The following WNT9A variants were observed in gnomAD, a reference collection of about 807,000 sequenced individuals.
WNT9A encodes the protein protein Wnt-9a.
A neutral mutation model predicts 31.4 loss-of-function variants in WNT9A; 8 were observed. The ratio of observed to expected loss-of-function variants is 0.26; its 90% confidence interval spans 0.15 to 0.46. The LOEUF (loss-of-function observed/expected upper bound fraction) is 0.46, where lower values mean the gene tolerates loss of function less well. WNT9A is among the 20% of genes least tolerant of loss of function. The pLI is 0.99. For missense variants in WNT9A, 457 were observed against 522.9 expected, an observed-to-expected ratio of 0.87 and a Z score of 1.23; for synonymous variants, 236 against 220.1, an observed-to-expected ratio of 1.07 and a Z score of -0.64.
At chr1:227,923,781 G>A (rs1378783659) in intron 3 of WNT9A, among the ~76,000 whole-genome samples, 1 of 152,138 alleles carries the variant, frequency 6.6e-6, no homozygotes, top group East Asian at 1.9e-4. Flanking sequence ...TGGCTGACAG[G>A]TGGGGCCCAC....
At chr1:227,947,759 C>T (rs1340895084) in intron 1 of WNT9A, 34 bp downstream of exon 1, 9 of 1,060,022 alleles carry the variant, frequency 8.5e-6, no homozygotes, top group African/African-American at 3.4e-5. Flanking sequence ...CCGCCCCCGC[C>T]CACCAGTGCG....
Position 227,947,918 on chromosome 1 carries a change from C to G in WNT9A, c.-31G>C, listed in dbSNP as rs1168077763. The G allele has an allele frequency of 1.9e-5, 20 of 1,041,662 alleles. No individual in the cohort carries two copies. The South Asian group carries it at 7.1e-4, about 37-fold the overall frequency. 64.5% of individuals were successfully genotyped at this position (1,041,662 alleles called of 1,614,324 possible). ...CGCGCCTCGGCGGCCGACCATCGCG[C>G]TCCCAGCTCCGCGCAGGGCGCGCCG... is the stretch of plus-strand genomic sequence containing the variant. On this transcript the variant is annotated 5_prime_UTR_variant, in exon 1 of 4. Transcript: ENST00000272164.
At chr1:227,945,782 C>A (rs1666784702) in intron 1 of WNT9A, among the ~76,000 whole-genome samples, 1 of 152,170 alleles carries the variant, frequency 6.6e-6, no homozygotes, top group Admixed American at 6.5e-5. Flanking sequence ...TCCGCACAAC[C>A]CAGCCTGGAG....
At chr1:227,930,439 C>T (rs1432889577) in intron 1 of WNT9A, among the ~76,000 whole-genome samples, 1 of 152,186 alleles carries the variant, frequency 6.6e-6, no homozygotes, top group African/African-American at 2.4e-5. Context: ...ATGGAACTCG[C>T]TCCACACTCA....
At chr1:227,931,514 TTTC>T (rs1666510212) in intron 1 of WNT9A, among the ~76,000 whole-genome samples, 1 of 152,236 alleles carries the variant, frequency 6.6e-6, no homozygotes, top group Non-Finnish European at 1.5e-5. Context: ...CAGTTTCTTT[TTTC>T]TTTTCTTTCT....
chr1:227,921,765 G>C lies in WNT9A; in HGVS notation c.851C>G (p.Pro284Arg). 1 of 1,612,368 alleles carries C rather than the reference G, an allele frequency of 6.2e-7. No homozygotes were observed. Among genetic ancestry groups the C allele is most frequent in the Non-Finnish European group, 8.5e-7 (1 of 1,179,690 alleles). Reference sequence around the variant, plus strand: ...CAGGTGCACCAGCTCTGGAGTGCGGGGCAGCGGGTCGCTGCCACCTGCCCC... The same window carrying C: ...CAGGTGCACCAGCTCTGGAGTGCGGCGCAGCGGGTCGCTGCCACCTGCCCC... ...ASGAGGSDPL[P>R]RTPELVHLDD... The change falls in exon 4 of 4, where the codon CCC (proline) becomes CGC (arginine). Residue 284 changes from proline to arginine, a missense_variant. By Grantham distance (103) the Pro-to-Arg change is moderately radical. Transcript: ENST00000272164.
chr1:227,924,444 G>A, intron 2 of WNT9A, 44 bp from the exon 3 acceptor site: 3 of 1,584,184 alleles, frequency 1.9e-6, no homozygotes, highest in Non-Finnish European at 2.6e-6. Context: ...GCTGCCCAGA[G>A]TTCCCCCTTC....
intron 3 of WNT9A, 29 bp downstream of exon 3, chr1:227,924,109 T>TGCCCC: frequency 3.3e-5 from 36 of 1,105,214 alleles, no homozygotes; most frequent in Non-Finnish European, 4.0e-5. Context: ...GACCCTCCCT[T>TGCCCC]CCCACCCCGC....
At chr1:227,937,359 A>T (rs1003062470) in intron 1 of WNT9A, among the ~76,000 whole-genome samples, 2 of 152,232 alleles carry the variant, frequency 1.3e-5, no homozygotes, top group Non-Finnish European at 2.9e-5. Context: ...TGTACTGAGG[A>T]AACAGTTGGC....
In WNT9A at chr1:227,947,791, AC is replaced by A; in HGVS notation, c.95+1del. On this transcript the variant is annotated splice_donor_variant, in intron 1 of 3. Coordinates refer to ENST00000272164, the MANE Select transcript of WNT9A (RefSeq NM_003395.4). LOFTEE classifies it high-confidence loss of function. ...TGCGCGCCGGCCGCCGAAGGCACCT[AC>A]CCGAAGTAGGCGGCCGAAGGGCGCA... 9.2e-7 allele frequency: 1 copy of A among 1,085,094 alleles called. No homozygotes were observed. The highest frequency in any genetic ancestry group is 1.1e-6 in the Non-Finnish European group (1 of 895,446). The allele number at this position is 1,085,094 out of a possible 1,614,324, so 67.2% of individuals were successfully genotyped here. A position where few individuals can be genotyped will look rare whatever the true frequency, so the allele number is the denominator to read the frequency against.
In WNT9A at chr1:227,925,284, G is replaced by A. The variant is rs1346833153; in HGVS notation, c.331C>T (p.Arg111Trp). ...RWNCTLEGRY[R>W]ASLLKRGFKE... ...TCACCTCGCTTGAGCAGGCTGGCCC[G>A]GTAGCGGCCCTCCAGCGTGCAGTTC... Residue 111 changes from arginine (R) to tryptophan (W), a missense_variant, in exon 2 of 4, where the codon CGG becomes TGG. By Grantham distance (101) the Arg-to-Trp change is moderately radical. Coordinates refer to ENST00000272164, the MANE Select transcript of WNT9A (RefSeq NM_003395.4). The surrounding 1 kb of genome is among the most constrained non-coding windows in gnomAD (Gnocchi z 6.0). 9 of 1,569,272 alleles carry A rather than the reference G, an allele frequency of 5.7e-6. No individual in the cohort carries two copies. Among genetic ancestry groups the A allele is most frequent in the South Asian group, 2.3e-5 (2 of 85,530 alleles).
chr1:227,944,257 G>A (rs1414214825), intron 1 of WNT9A, among the ~76,000 whole-genome samples: 1 of 152,182 alleles, frequency 6.6e-6, no homozygotes, highest in African/African-American at 2.4e-5. Context: ...AGTGAGAGAA[G>A]CCAGGCGCGG....
In WNT9A at chr1:227,925,462, A is replaced by G. The variant is rs3795768; in HGVS notation, c.153T>C (p.Ala51=). The G allele has an allele frequency of 0.7, 1,094,720 of 1,573,360 alleles. 382,884 individuals are homozygous for G. The highest frequency in any genetic ancestry group is 0.83 in the African/African-American group (61,608 of 73,858). The change falls in exon 2 of 4, where the codon GCT becomes GCC. Residue 51 remains alanine (A), a synonymous_variant. Coordinates refer to ENST00000272164, the MANE Select transcript of WNT9A (RefSeq NM_003395.4). The surrounding 1 kb of genome is among the most constrained non-coding windows in gnomAD (Gnocchi z 6.0). ...CGCAGGCCTTGTAGTGCGCCTGGGCAGCCGCCTCTGGCTCCAGGGTCAGCG... is the reference window on the plus strand; with the variant it reads ...CGCAGGCCTTGTAGTGCGCCTGGGCGGCCGCCTCTGGCTCCAGGGTCAGCG... ...ILPLTLEPEA[A]AQAHYKACDR...
chr1:227,922,275 G>C (rs573162573), intron 3 of WNT9A, among the ~76,000 whole-genome samples: 19 of 152,340 alleles, frequency 1.2e-4, no homozygotes, highest in Non-Finnish European at 1.8e-4. Flanking sequence ...ACAATGGGAG[G>C]CTCCTGCCTG....
chr1:227,918,955 T>C lies in WNT9A; in HGVS notation c.*2563A>G, dbSNP rs1666260649. Reference sequence around the variant, plus strand: ...CTCCCAACAGCCCTTTCTCCTCTACTGCCCCTCAGAAGAGAAGCGCATGAA... The same window carrying C: ...CTCCCAACAGCCCTTTCTCCTCTACCGCCCCTCAGAAGAGAAGCGCATGAA... On this transcript the variant is annotated 3_prime_UTR_variant, in exon 4 of 4. Transcript: ENST00000272164. 1 of 152,192 alleles carries C rather than the reference T, an allele frequency of 6.6e-6. No homozygotes were observed. Among genetic ancestry groups the C allele is most frequent in the African/African-American group, 2.4e-5 (1 of 41,446 alleles). 9.4% of individuals were successfully genotyped at this position (152,192 alleles called of 1,614,324 possible).
rs1666307402 is a variant in WNT9A, at chr1:227,921,285, A to T, written c.*233T>A. The T allele has an allele frequency of 1.7e-6, 1 of 576,948 alleles. No homozygotes were observed. The highest frequency in any genetic ancestry group is 2.9e-6 in the Non-Finnish European group (1 of 342,654). 35.7% of individuals were successfully genotyped at this position (576,948 alleles called of 1,614,324 possible). A position where few individuals can be genotyped will look rare whatever the true frequency, so the allele number is the denominator to read the frequency against. On this transcript the variant is annotated 3_prime_UTR_variant, in exon 4 of 4. Coordinates refer to ENST00000272164, the MANE Select transcript of WNT9A (RefSeq NM_003395.4). ...TGTAGGCCCATTCATGCTCTGTGCA[A>T]TGCCTGCACCCCATGCAGCTAGGAC...
rs981038824 is a variant in WNT9A, at chr1:227,926,788, C to T, written c.96-1269G>A. Among the ~76,000 whole-genome samples, 1 of 152,032 alleles carries T rather than the reference C, an allele frequency of 6.6e-6. No individual in the cohort carries two copies. Among genetic ancestry groups the T allele is most frequent in the African/African-American group, 2.4e-5 (1 of 41,428 alleles). On this transcript the variant is annotated intron_variant, in intron 1 of 3. Coordinates refer to ENST00000272164, the MANE Select transcript of WNT9A (RefSeq NM_003395.4). This position sits in a 1 kb window ranked among gnomAD's most constrained non-coding sequence, Gnocchi z 5.0. ...GGTGCCAGCTTGGGAAGGCTCCCCC[C>T]ACACCCTCACATGGCCCTGCTAGAC...
chr1:227,929,362 T>A, intron 1 of WNT9A, among the ~76,000 whole-genome samples: 1 of 152,246 alleles, frequency 6.6e-6, no homozygotes, highest in Non-Finnish European at 1.5e-5. Flanking sequence ...GAGACACTCT[T>A]CCACGGCTGG....
chr1:227,927,717 A>G (rs1666442672), intron 1 of WNT9A, among the ~76,000 whole-genome samples: 1 of 152,062 alleles, frequency 6.6e-6, no homozygotes, highest in Non-Finnish European at 1.5e-5. Flanking sequence ...TGACCAGAAC[A>G]GCCCTCAGGA....
Sources: allele counts gnomAD v4.1 joint callset (sites outside exome capture counted in the v4.1 genomes callset), GRCh38; gene constraint gnomAD v4.1.1; non-coding constraint Gnocchi (gnomAD v3.1); transcripts MANE v1.5; gene names NCBI Gene and HGNC (gene_info 2026-07-23, HGNC 2026-07-21).